GPHN: variants seen among roughly 807,000 people sequenced by gnomAD.
The protein encoded by GPHN is gephyrin.
Under a neutral mutation model 95.5 loss-of-function variants are expected in GPHN, and 17 were observed. The ratio of observed to expected loss-of-function variants is 0.18; its 90% confidence interval spans 0.12 to 0.27. The LOEUF is 0.27. Among genes scored for constraint, GPHN ranks in the 10% least tolerant of loss-of-function variants. The pLI is 1.00. For synonymous variants in GPHN, 320 were observed against 322.5 expected, an observed-to-expected ratio of 0.99 and a Z score of 0.08; for missense variants, 660 against 978.1, an observed-to-expected ratio of 0.67 and a Z score of 4.34.
chr14:67,322,901 CA>C, the GPHN span, among the ~76,000 whole-genome samples: 1 of 152,112 alleles, frequency 6.6e-6, no homozygotes, highest in Non-Finnish European at 1.5e-5. Context: ...CTGCAATCTC[CA>C]GATTCAAACA....
the GPHN span, among the ~76,000 whole-genome samples, chr14:67,390,080 C>CT: frequency 6.6e-6 from 1 of 152,222 alleles, no homozygotes; most frequent in Non-Finnish European, 1.5e-5. Context: ...GAACAGCTAA[C>CT]TAAAGGGCCC....
the GPHN span, among the ~76,000 whole-genome samples, chr14:67,404,468 T>A: frequency 6.6e-6 from 1 of 151,430 alleles, no homozygotes; most frequent in East Asian, 2.0e-4. Flanking sequence ...AAAACAAAAC[T>A]AAACAACAAA....
intron 1 of GPHN, among the ~76,000 whole-genome samples, chr14:66,673,721 T>G (rs772021770): frequency 3.3e-5 from 5 of 152,248 alleles, no homozygotes; most frequent in Non-Finnish European, 7.3e-5. Flanking sequence ...AGTTTCTGAC[T>G]GATAATCATT....
intron 17 of GPHN, among the ~76,000 whole-genome samples, chr14:67,131,915 A>G (rs939163277): frequency 6.6e-6 from 1 of 152,168 alleles, no homozygotes; most frequent in African/African-American, 2.4e-5. Context: ...TGAACTGCCA[A>G]CTTGGACCTT....
intron 16 of GPHN, among the ~76,000 whole-genome samples, chr14:67,117,070 CAGAG>C (rs1250024712): frequency 1.3e-5 from 2 of 152,012 alleles, no homozygotes; most frequent in African/African-American, 4.8e-5. Flanking sequence ...TTCTAGAAGA[CAGAG>C]AAAGAAAGTG....
intron 3 of GPHN, among the ~76,000 whole-genome samples, chr14:66,820,241 C>A (rs1237290910): frequency 6.6e-6 from 1 of 152,042 alleles, no homozygotes; most frequent in Non-Finnish European, 1.5e-5. Flanking sequence ...AATATCCAGT[C>A]CTCAAACTAG....
At chr14:66,851,862 A>G (rs2062597337) in intron 4 of GPHN, among the ~76,000 whole-genome samples, 1 of 152,198 alleles carries the variant, frequency 6.6e-6, no homozygotes, top group African/African-American at 2.4e-5. Flanking sequence ...TAGCTGTAGC[A>G]CCAATCAGGA....
intron 8 of GPHN, among the ~76,000 whole-genome samples, chr14:66,925,710 A>G (rs1413693743): frequency 6.6e-6 from 1 of 152,116 alleles, no homozygotes; most frequent in African/African-American, 2.4e-5. Flanking sequence ...TGCAATACAC[A>G]TGGAAGTGCA....
chr14:67,592,930 C>T, the GPHN span, among the ~76,000 whole-genome samples: 11 of 152,148 alleles, frequency 7.2e-5, no homozygotes, highest in African/African-American at 1.4e-4. Context: ...GGATTACAGG[C>T]GCTCGCCACC....
chr14:67,536,395 A>G, the GPHN span, among the ~76,000 whole-genome samples: 1 of 151,880 alleles, frequency 6.6e-6, no homozygotes, highest in African/African-American at 2.4e-5. Flanking sequence ...CACTTTTAGA[A>G]GATGGTGGTA....
At chr14:67,633,206 G>GT in the GPHN span, among the ~76,000 whole-genome samples, 1 of 152,002 alleles carries the variant, frequency 6.6e-6, no homozygotes, top group Non-Finnish European at 1.5e-5. Context: ...TTGTTTTTAA[G>GT]TTTGAGTTGA....
At chr14:67,211,212 T>C in the GPHN span, among the ~76,000 whole-genome samples, 4 of 152,108 alleles carry the variant, frequency 2.6e-5, no homozygotes, top group Non-Finnish European at 5.9e-5. Context: ...ACCAGGCTCA[T>C]GGTAACTGTT....
At chr14:67,184,528 G>A (rs1187898648), downstream of GPHN, among the ~76,000 whole-genome samples, 1 of 152,152 alleles carries the variant, frequency 6.6e-6, no homozygotes, top group African/African-American at 2.4e-5. Flanking sequence ...TTTTATGTCT[G>A]ATTTCAAGTT....
intron 1 of GPHN, among the ~76,000 whole-genome samples, chr14:66,636,248 A>G (rs529691961): frequency 4.3e-4 from 65 of 152,120 alleles, no homozygotes; most frequent in Non-Finnish European, 8.4e-4. Context: ...CCTTTATTTT[A>G]GCTGCCAGTA....
chr14:67,329,710 C>G, the GPHN span, among the ~76,000 whole-genome samples: 1 of 152,248 alleles, frequency 6.6e-6, no homozygotes, highest in Non-Finnish European at 1.5e-5. Flanking sequence ...GAAATCCTGT[C>G]TCTACTAAAA....
chr14:66,559,477 C>T (rs1467568877), intron 1 of GPHN, among the ~76,000 whole-genome samples: 2 of 148,756 alleles, frequency 1.3e-5, no homozygotes, highest in Admixed American at 6.7e-5. Context: ...ATTTGCATTT[C>T]TCTGATGGTC....
intron 1 of GPHN, among the ~76,000 whole-genome samples, chr14:66,513,900 T>C (rs1273591434): frequency 1.3e-5 from 2 of 151,954 alleles, no homozygotes; most frequent in Non-Finnish European, 2.9e-5. Flanking sequence ...ACCCCAACAA[T>C]TTTAACAGTA....
At chr14:67,597,172 C>G in the GPHN span, among the ~76,000 whole-genome samples, 1 of 152,190 alleles carries the variant, frequency 6.6e-6, no homozygotes, top group Non-Finnish European at 1.5e-5. Flanking sequence ...TATTTACTAT[C>G]TAGTCTTTTA....
chr14:67,203,333 A>G, the GPHN span: 16 of 1,490,894 alleles, frequency 1.1e-5, no homozygotes, highest in Non-Finnish European at 1.5e-5. Flanking sequence ...CTCTCAGAAG[A>G]TGTGCATTAG....
Sources: gnomAD v4.1 joint callset for allele counts (sites outside exome capture counted in the v4.1 genomes callset) on GRCh38, gnomAD v4.1.1 for gene constraint, MANE v1.5 for transcripts, NCBI Gene and HGNC (gene_info 2026-07-23, HGNC 2026-07-21) for gene names.